The following VAX2 variants were observed in gnomAD, a reference collection of about 807,000 sequenced individuals.
The protein encoded by VAX2 is ventral anterior homeobox 2.
VAX2 carries 8 observed loss-of-function variants against 12.5 expected under a neutral mutation model. The observed-to-expected ratio is 0.64, with a 90% CI of 0.37 to 1.15. The LOEUF (loss-of-function observed/expected upper bound fraction) is 1.15, where lower values mean the gene tolerates loss of function less well. VAX2 is among the 50% of genes most tolerant of loss of function. The pLI is 0.01. For synonymous variants in VAX2, 183 were observed against 187.6 expected, an observed-to-expected ratio of 0.98 and a Z score of 0.20; for missense variants, 476 against 412.9, an observed-to-expected ratio of 1.15 and a Z score of -1.32.
chr2:70,911,178 CAGAA>C (rs765807734), intron 1 of VAX2, among the ~76,000 whole-genome samples: 4 of 152,070 alleles, frequency 2.6e-5, no homozygotes, highest in Non-Finnish European at 5.9e-5. Context: ...AACACACACA[CAGAA>C]AGAGTTTACT....
chr2:70,902,903 A>G (rs1678964982), intron 1 of VAX2, among the ~76,000 whole-genome samples: 1 of 152,260 alleles, frequency 6.6e-6, no homozygotes, highest in Non-Finnish European at 1.5e-5. Context: ...TTTGTAAAAT[A>G]TAATCGAAAT....
chr2:70,906,405 T>A (rs782381673), intron 1 of VAX2, among the ~76,000 whole-genome samples: 9 of 151,402 alleles, frequency 5.9e-5, no homozygotes, highest in Admixed American at 1.3e-4. Flanking sequence ...ACTGAAGGAG[T>A]GTGCTATAAG....
chr2:70,922,961 G>T (rs782059085), intron 2 of VAX2, among the ~76,000 whole-genome samples: 8 of 152,186 alleles, frequency 5.3e-5, no homozygotes, highest in Non-Finnish European at 8.8e-5. Flanking sequence ...CCTTCTGCAG[G>T]CACCTTGCCC....
chr2:70,906,499 C>CT (rs1337738826), intron 1 of VAX2, among the ~76,000 whole-genome samples: 67 of 69,898 alleles, frequency 9.6e-4, no homozygotes, highest in African/African-American at 2.5e-3. Context: ...TTTATTCTTT[C>CT]TTTTTTTTTC....
chr2:70,925,764 G>T (rs1270086589), intron 2 of VAX2, among the ~76,000 whole-genome samples: 1 of 152,192 alleles, frequency 6.6e-6, no homozygotes, highest in African/African-American at 2.4e-5. Context: ...GGAATTGGAA[G>T]AGACTGGAAG....
At chr2:70,932,518 G>T (rs1435278408) in intron 2 of VAX2, among the ~76,000 whole-genome samples, 2 of 151,970 alleles carry the variant, frequency 1.3e-5, no homozygotes, top group African/African-American at 4.8e-5. Flanking sequence ...CAGTTTAGTA[G>T]TAGAGGGGCC....
chr2:70,921,038 T>C (rs1679445184), intron 1 of VAX2, 60 bp from the exon 2 acceptor site: 1 of 1,457,570 alleles, frequency 6.9e-7, no homozygotes, highest in Admixed American at 2.7e-5. Context: ...TTAAGATGCT[T>C]TCTGGTGATC....
At chr2:70,915,353 C>A (rs1207990551) in intron 1 of VAX2, among the ~76,000 whole-genome samples, 1 of 152,056 alleles carries the variant, frequency 6.6e-6, no homozygotes, top group African/African-American at 2.4e-5. Flanking sequence ...CCTCAGCCTC[C>A]CAAGTAGCTG....
intron 1 of VAX2, among the ~76,000 whole-genome samples, chr2:70,902,302 C>G (rs1678952600): frequency 6.6e-6 from 1 of 152,188 alleles, no homozygotes; most frequent in African/African-American, 2.4e-5. Flanking sequence ...GTCACTGGGA[C>G]AGTAGGTGCT....
intron 1 of VAX2, among the ~76,000 whole-genome samples, chr2:70,912,851 G>T (rs781984760): frequency 2.8e-4 from 42 of 151,070 alleles, no homozygotes; most frequent in Non-Finnish European, 1.0e-4. Context: ...CCAAGCAAAG[G>T]CTCTTGGGCA....
intron 2 of VAX2, among the ~76,000 whole-genome samples, chr2:70,926,983 G>A (rs141196414): frequency 0.013 from 1,977 of 152,246 alleles, 20 homozygotes; most frequent in Admixed American, 0.023. Flanking sequence ...ACGATAGTTT[G>A]CTACTATATA....
chr2:70,901,191 C>A (rs1432830690), intron 1 of VAX2, among the ~76,000 whole-genome samples: 3 of 152,238 alleles, frequency 2.0e-5, no homozygotes, highest in Admixed American at 2.0e-4. Context: ...GACTCCGTCC[C>A]GTGACCCTCA....
At chr2:70,905,091 C>T (rs945135148) in intron 1 of VAX2, among the ~76,000 whole-genome samples, 5 of 152,024 alleles carry the variant, frequency 3.3e-5, no homozygotes, top group African/African-American at 1.2e-4. Context: ...CTTGGATTAC[C>T]AACAGCCACT....
intron 1 of VAX2, among the ~76,000 whole-genome samples, chr2:70,907,652 C>T (rs1553410758): frequency 6.6e-6 from 1 of 152,258 alleles, no homozygotes; most frequent in Non-Finnish European, 1.5e-5. Context: ...CTCTACGAGG[C>T]ACAGCCTCCG....
intron 2 of VAX2, among the ~76,000 whole-genome samples, chr2:70,928,268 A>C (rs1679616856): frequency 1.3e-5 from 2 of 152,186 alleles, no homozygotes; most frequent in African/African-American, 4.8e-5. Flanking sequence ...CTCACCCTTG[A>C]AGTTTGCAAT....
At chr2:70,905,963 A>G (rs1286873703) in intron 1 of VAX2, among the ~76,000 whole-genome samples, 1 of 152,158 alleles carries the variant, frequency 6.6e-6, no homozygotes, top group African/African-American at 2.4e-5. Flanking sequence ...TGTTGGCTAC[A>G]TTTCTTTGAT....
At chr2:70,903,802 C>G (rs1289194591) in intron 1 of VAX2, among the ~76,000 whole-genome samples, 2 of 152,162 alleles carry the variant, frequency 1.3e-5, no homozygotes, top group Non-Finnish European at 2.9e-5. Context: ...CCTTCTGGCT[C>G]TGGGCCCGGG....
intron 2 of VAX2, among the ~76,000 whole-genome samples, chr2:70,926,871 G>A (rs1417527054): frequency 6.6e-6 from 1 of 151,994 alleles, no homozygotes; most frequent in Non-Finnish European, 1.5e-5. Context: ...TTTTACTGGT[G>A]GGGAAACTGA....
intron 1 of VAX2, among the ~76,000 whole-genome samples, chr2:70,911,217 T>G (rs1375050949): frequency 6.6e-6 from 1 of 152,122 alleles, no homozygotes; most frequent in Admixed American, 6.5e-5. Flanking sequence ...AATATAAAAA[T>G]GGGTTTATGC....
Sources: allele counts gnomAD v4.1 joint callset (sites outside exome capture counted in the v4.1 genomes callset), GRCh38; gene constraint gnomAD v4.1.1; transcripts MANE v1.5; gene names NCBI Gene and HGNC (gene_info 2026-07-23, HGNC 2026-07-21).